The following DNAJC6 variants were observed in gnomAD, a reference collection of about 807,000 sequenced individuals.
DNAJC6 encodes the protein auxilin.
A neutral mutation model predicts 110.0 loss-of-function variants in DNAJC6; 34 were observed. The observed-to-expected ratio is 0.31, with a 90% CI of 0.24 to 0.41. The LOEUF is 0.41. Ranked by LOEUF, DNAJC6 falls within the 10% of genes least tolerant of loss-of-function variation. The pLI, the probability that DNAJC6 is intolerant of heterozygous loss-of-function variation, is 1.00. For synonymous variants in DNAJC6, 406 were observed against 437.2 expected (o/e 0.93, Z 0.89); for missense variants, 1,031 against 1,207.8 (o/e 0.85, Z 2.17).
intron 1 of DNAJC6, chr1:65,278,919 C>T: frequency 1.0e-6 from 1 of 963,866 alleles, no homozygotes; most frequent in East Asian, 1.2e-4. Flanking sequence ...TCTCAGAATC[C>T]CAGATGTATC....
In DNAJC6 at chr1:65,371,109, C is replaced by G. The variant is rs9436277; in HGVS notation, c.543+4913C>G. ...ATGTCTTAACCCTGGTAAAATACAG[C>G]CATCACTTGAAGCTGTAACCACTCT... is the stretch of plus-strand genomic sequence containing the variant. On this transcript the variant is annotated intron_variant, in intron 4 of 18. Coordinates refer to ENST00000371069, the MANE Select transcript of DNAJC6 (RefSeq NM_001256864.2). Among the ~76,000 whole-genome samples the G allele has an allele frequency of 4.3e-3, 660 of 152,272 alleles. 7 individuals carry two copies. Among genetic ancestry groups the G allele is most frequent in the African/African-American group, 0.015 (636 of 41,550 alleles).
At chr1:65,319,542 G>A (rs1447947481) in intron 1 of DNAJC6, among the ~76,000 whole-genome samples, 2 of 152,000 alleles carry the variant, frequency 1.3e-5, no homozygotes, top group Non-Finnish European at 2.9e-5. Context: ...TGTTGATGGA[G>A]GCACAGCAAG....
intron 13 of DNAJC6, 31 bp downstream of exon 13, chr1:65,395,063 G>GCAGAA: frequency 6.4e-7 from 1 of 1,558,456 alleles, no homozygotes; most frequent in East Asian, 2.4e-5. Context: ...GTGTTCAGTG[G>GCAGAA]AACATAGTTT....
chr1:65,384,795 A>G (rs1415348853), intron 6 of DNAJC6, among the ~76,000 whole-genome samples: 1 of 152,228 alleles, frequency 6.6e-6, no homozygotes, highest in Non-Finnish European at 1.5e-5. Context: ...GCCAAACCAC[A>G]TCAATCTGAC....
At chr1:65,404,448 G>A (rs2101632780) in intron 15 of DNAJC6, among the ~76,000 whole-genome samples, 1 of 152,276 alleles carries the variant, frequency 6.6e-6, no homozygotes, top group African/African-American at 2.4e-5. Context: ...CTTTAGAAGA[G>A]CAAAGATTCT....
chr1:65,273,721 T>C (rs1281574863), intron 1 of DNAJC6, among the ~76,000 whole-genome samples: 3 of 152,194 alleles, frequency 2.0e-5, no homozygotes, highest in Non-Finnish European at 4.4e-5. Flanking sequence ...TCTTTTTGAT[T>C]TTTTTGACCC....
chr1:65,326,329 G>C (rs1645241325), intron 1 of DNAJC6, among the ~76,000 whole-genome samples: 1 of 152,230 alleles, frequency 6.6e-6, no homozygotes, highest in Non-Finnish European at 1.5e-5. Context: ...GCCAAACACA[G>C]ACAGGGTGCT....
intron 1 of DNAJC6, among the ~76,000 whole-genome samples, chr1:65,303,709 G>A (rs887688208): frequency 9.9e-5 from 15 of 152,022 alleles, no homozygotes; most frequent in Non-Finnish European, 1.8e-4. Flanking sequence ...CAGGCACGTG[G>A]CACCATGCCC....
chr1:65,382,690 A>G (rs1468543074), intron 5 of DNAJC6, among the ~76,000 whole-genome samples: 1 of 152,240 alleles, frequency 6.6e-6, no homozygotes, highest in African/African-American at 2.4e-5. Flanking sequence ...TACTTAGCCT[A>G]CATTTATACT....
chr1:65,398,773 G>A, intron 13 of DNAJC6, 40 bp from the exon 14 acceptor site: 1 of 1,610,662 alleles, frequency 6.2e-7, no homozygotes, highest in Non-Finnish European at 8.5e-7. Context: ...TGGGTTCTGA[G>A]CTCTCTTGTT....
intron 1 of DNAJC6, among the ~76,000 whole-genome samples, chr1:65,293,830 G>A (rs529559963): frequency 6.6e-6 from 1 of 152,238 alleles, no homozygotes; most frequent in South Asian, 2.1e-4. Context: ...GAGGCAGATT[G>A]CTTTTAAGAA....
intron 4 of DNAJC6, among the ~76,000 whole-genome samples, chr1:65,373,627 T>TG: frequency 8.6e-6 from 1 of 116,186 alleles, no homozygotes; most frequent in South Asian, 2.6e-4. Context: ...GTTTTTAATT[T>TG]GTTTTTTTTT....
upstream of DNAJC6, among the ~76,000 whole-genome samples, chr1:65,306,973 TC>T (rs1401342013): frequency 2.1e-3 from 68 of 32,274 alleles, no homozygotes; most frequent in East Asian, 0.034. Context: ...TCAATCTGTT[TC>T]TCTCTCTCTC....
chr1:65,383,242 A>G (rs1438062572), intron 5 of DNAJC6, among the ~76,000 whole-genome samples: 1 of 152,256 alleles, frequency 6.6e-6, no homozygotes, highest in Admixed American at 6.5e-5. Context: ...CAAATATACC[A>G]TAGACCGGGT....
rs1570280168 is a variant in DNAJC6 at position 65,325,635 on chromosome 1, A to G, written c.193+15697A>G. 2.0e-5 allele frequency among the ~76,000 whole-genome samples: 3 copies of G among 152,364 alleles called. No homozygotes were observed. The South Asian group carries it at 6.2e-4, about 32-fold the overall frequency. On this transcript the variant is annotated intron_variant, in intron 1 of 18. Transcript: ENST00000371069. The stretch of plus-strand genomic sequence containing the variant: ...TAGTTTAGTAGTTTCAAGTTTGATT[A>G]GTACTGGATTCCTTTTCTCAATATA...
intron 1 of DNAJC6, among the ~76,000 whole-genome samples, chr1:65,352,515 G>C (rs1344693866): frequency 1.3e-5 from 2 of 152,156 alleles, no homozygotes; most frequent in Admixed American, 1.3e-4. Flanking sequence ...TGAAAAATAA[G>C]AGCAAAAATA....
At chr1:65,329,691 G>C (rs1645270554) in intron 1 of DNAJC6, among the ~76,000 whole-genome samples, 1 of 152,112 alleles carries the variant, frequency 6.6e-6, no homozygotes, top group Admixed American at 6.5e-5. Flanking sequence ...AGAAGGAACT[G>C]CATCTCTAGG....
intron 5 of DNAJC6, among the ~76,000 whole-genome samples, chr1:65,381,490 A>G (rs1200707008): frequency 2.0e-5 from 3 of 151,682 alleles, no homozygotes; most frequent in Non-Finnish European, 4.4e-5. Context: ...CGGAGGTTGC[A>G]GTGGGCTGAG....
intron 1 of DNAJC6, among the ~76,000 whole-genome samples, chr1:65,293,553 G>A (rs1218218916): frequency 6.6e-6 from 1 of 152,166 alleles, no homozygotes; most frequent in East Asian, 1.9e-4. Flanking sequence ...CAGATTCAAG[G>A]AGTGAAGAAG....
Sources: gnomAD v4.1 joint callset for allele counts (sites outside exome capture counted in the v4.1 genomes callset) on GRCh38, gnomAD v4.1.1 for gene constraint, MANE v1.5 for transcripts, NCBI Gene and HGNC (gene_info 2026-07-23, HGNC 2026-07-21) for gene names.